The following DLEU7 variants were observed in gnomAD, a reference collection of about 807,000 sequenced individuals.
DLEU7 encodes leukemia-associated protein 7.
DLEU7 carries 17 observed loss-of-function variants against 16.0 expected under a neutral mutation model. The ratio of observed to expected loss-of-function variants is 1.06; its 90% confidence interval spans 0.73 to 1.59. DLEU7 has a LOEUF of 1.59. Ranked by LOEUF, DLEU7 falls within the 40% of genes most tolerant of loss-of-function variation. The pLI is 0.00. For synonymous variants in DLEU7, 113 were observed against 139.8 expected, an observed-to-expected ratio of 0.81 and a Z score of 1.35; for missense variants, 308 against 314.9, an observed-to-expected ratio of 0.98 and a Z score of 0.17.
rs570694640 is a variant in DLEU7 at position 50,749,544 on chromosome 13, A to C, written c.460-36304T>G. Among the ~76,000 whole-genome samples, 4 of 152,298 alleles carry C rather than the reference A, an allele frequency of 2.6e-5. No homozygotes were observed. In the South Asian group the frequency reaches 8.3e-4, roughly 32 times the overall value. ...TTCCATAGTGGCTGTACTAGTTTGC[A>C]TTCCTACCAGCATGTAGACATGTTC... On this transcript the variant is annotated intron_variant, in intron 1 of 1. Coordinates refer to the DLEU7 transcript ENST00000400393.
chr13:50,820,641 C>T (rs1057190072), downstream of DLEU7, among the ~76,000 whole-genome samples: 8 of 152,018 alleles, frequency 5.3e-5, no homozygotes, highest in African/African-American at 1.9e-4. Flanking sequence ...GAAGAGTAAA[C>T]AAGGGTAAAG....
intron 1 of DLEU7, among the ~76,000 whole-genome samples, chr13:50,715,052 T>C (rs759461393): frequency 6.6e-6 from 1 of 152,162 alleles, no homozygotes; most frequent in Non-Finnish European, 1.5e-5. Flanking sequence ...ATTTGCCTGA[T>C]GGACTGAGGT....
At chr13:50,816,462 G>C (rs9316505) in intron 1 of DLEU7, among the ~76,000 whole-genome samples, 4 of 151,866 alleles carry the variant, frequency 2.6e-5, no homozygotes, top group Non-Finnish European at 5.9e-5. Context: ...AAAGACCAAC[G>C]TCTGTTAACT....
chr13:50,823,158 G>T lies in DLEU7; in HGVS notation c.*156C>A, dbSNP rs899930672. ...TCATTAACATGCTATAATCCCGAAG[G>T]CTACAGATGCCACTGGTCAGACTGC... On this transcript the variant is annotated 3_prime_UTR_variant, in exon 2 of 2. Transcript: ENST00000504404. 2 of 1,422,864 alleles carry T rather than the reference G, an allele frequency of 1.4e-6. No individual in the cohort carries two copies. The highest frequency in any genetic ancestry group is 2.9e-5 in the African/African-American group (2 of 69,538). The allele number at this position is 1,422,864 out of a possible 1,614,324, so 88.1% of individuals were successfully genotyped here. A position where few individuals can be genotyped will look rare whatever the true frequency, so the allele number is the denominator to read the frequency against.
intron 1 of DLEU7, among the ~76,000 whole-genome samples, chr13:50,838,609 T>C (rs996367184): frequency 2.6e-5 from 4 of 152,340 alleles, no homozygotes; most frequent in Middle Eastern, 3.4e-3. Flanking sequence ...GTCCTGAGTT[T>C]ACCTAGTGCT....
rs1000700075 is a variant in DLEU7, at chr13:50,843,062, G to T, written c.459+126C>A. On this transcript the variant is annotated intron_variant, in intron 1 of 1. Transcript: ENST00000504404. This position sits in a 1 kb window ranked among gnomAD's most constrained non-coding sequence, Gnocchi z 5.7. ...CCGCCCCCTTCCTTCTCCCACTGGG[G>T]CTGAATCACAGTGGGCAGCAGTGTT... is the stretch of plus-strand genomic sequence containing the variant. The T allele has an allele frequency of 2.1e-6, 2 of 973,456 alleles. No homozygotes were observed. The highest frequency in any genetic ancestry group is 2.9e-6 in the Non-Finnish European group (2 of 695,422). 60.3% of individuals were successfully genotyped at this position (973,456 alleles called of 1,614,324 possible). A position where few individuals can be genotyped will look rare whatever the true frequency, so the allele number is the denominator to read the frequency against.
At chr13:50,798,174 A>G (rs1351132662) in intron 1 of DLEU7, among the ~76,000 whole-genome samples, 1 of 152,176 alleles carries the variant, frequency 6.6e-6, no homozygotes, top group Admixed American at 6.5e-5. Flanking sequence ...GCAACCACTC[A>G]TTAATATTCA....
exon 2 of DLEU7, chr13:50,712,631 A>T (rs1407936102): frequency 6.5e-6 from 1 of 152,714 alleles, no homozygotes; most frequent in Non-Finnish European, 1.5e-5. Flanking sequence ...CTGAACTCGC[A>T]TGCTGGCTTT....
intron 1 of DLEU7, among the ~76,000 whole-genome samples, chr13:50,802,119 C>CAA (rs1876266043): frequency 3.4e-5 from 1 of 29,284 alleles, no homozygotes; most frequent in African/African-American, 2.4e-4. Flanking sequence ...CCTCTATACA[C>CAA]TAAAAAAAAA....
At chr13:50,839,988 C>T (rs896037016) in intron 1 of DLEU7, 3 of 152,076 alleles carry the variant, frequency 2.0e-5, no homozygotes, top group African/African-American at 7.3e-5. Flanking sequence ...TGAAATGCTC[C>T]ATGGGACTTG....
At chr13:50,719,387 G>A (rs1001083040) in intron 1 of DLEU7, among the ~76,000 whole-genome samples, 13 of 152,144 alleles carry the variant, frequency 8.5e-5, no homozygotes, top group African/African-American at 2.9e-4. Flanking sequence ...AGTTGGCAGA[G>A]GTGCAAATTC....
Position 50,843,216 on chromosome 13 carries a change from T to A in DLEU7, c.431A>T (p.Gln144Leu). 1 of 1,593,704 alleles carries A rather than the reference T, an allele frequency of 6.3e-7. No homozygotes were observed. The highest frequency in any genetic ancestry group is 8.5e-7 in the Non-Finnish European group (1 of 1,170,878). ...CAGGTGAATGGGAAAGGACCGCTCC[T>A]GCTGGAGGGGCCCCAGCAGCGTCTG... ...VEQTLLGPLQQERSFPIHLKD... is the reference protein window; with the variant it reads ...VEQTLLGPLQLERSFPIHLKD... Residue 144 changes from glutamine to leucine, a missense_variant, in exon 1 of 2, where the codon CAG (glutamine) becomes CTG (leucine). By Grantham distance (113) the Gln-to-Leu change is moderately radical. Transcript: ENST00000504404. The surrounding 1 kb of genome is among the most constrained non-coding windows in gnomAD (Gnocchi z 5.7).
intron 1 of DLEU7, among the ~76,000 whole-genome samples, chr13:50,779,716 A>G (rs1389748019): frequency 6.6e-6 from 1 of 152,154 alleles, no homozygotes; most frequent in South Asian, 2.1e-4. Flanking sequence ...TCCAGCCCCC[A>G]GGGGAGTCCT....
At chr13:50,807,481 C>T (rs1388052950) in intron 1 of DLEU7, among the ~76,000 whole-genome samples, 1 of 151,448 alleles carries the variant, frequency 6.6e-6, no homozygotes, top group Non-Finnish European at 1.5e-5. Context: ...CAAATTTAAT[C>T]TTTGAGTGTT....
At chr13:50,828,097 T>C (rs1877153354) in intron 1 of DLEU7, among the ~76,000 whole-genome samples, 1 of 152,136 alleles carries the variant, frequency 6.6e-6, no homozygotes. Flanking sequence ...AATCATAACA[T>C]ACATTCAGTC....
chr13:50,804,118 C>T (rs1047441542), intron 1 of DLEU7, among the ~76,000 whole-genome samples: 4 of 152,036 alleles, frequency 2.6e-5, no homozygotes, highest in Admixed American at 1.3e-4. Flanking sequence ...AATGTCATCA[C>T]GTCCTAAATA....
chr13:50,833,264 G>A (rs1222500246), intron 1 of DLEU7, among the ~76,000 whole-genome samples: 1 of 152,202 alleles, frequency 6.6e-6, no homozygotes. Flanking sequence ...AATTGCCTCT[G>A]TTTGCAGATG....
At chr13:50,715,296 ATC>A (rs1263785565) in intron 1 of DLEU7, 1 of 152,232 alleles carries the variant, frequency 6.6e-6, no homozygotes, top group Non-Finnish European at 1.5e-5. Context: ...TCATCTAAAA[ATC>A]TGTTACCTTA....
intron 1 of DLEU7, among the ~76,000 whole-genome samples, chr13:50,789,934 TTTCTTTCTTTC>T (rs560281628): frequency 0.018 from 2,673 of 150,026 alleles, 81 homozygotes; most frequent in African/African-American, 0.063. Flanking sequence ...TCTTTCTTTC[TTTCTTTCTTTC>T]TTTTTTTTTT....
Sources: gnomAD v4.1 joint callset for allele counts (sites outside exome capture counted in the v4.1 genomes callset) on GRCh38, gnomAD v4.1.1 for gene constraint, Gnocchi (gnomAD v3.1) non-coding constraint, MANE v1.5 for transcripts, NCBI Gene and HGNC (gene_info 2026-07-23, HGNC 2026-07-21) for gene names.